The following TNXB variants were observed in gnomAD, a reference collection of about 807,000 sequenced individuals.
The protein encoded by TNXB is tenascin-X.
Under a neutral mutation model 340.5 loss-of-function variants are expected in TNXB, and 183 were observed. The ratio of observed to expected loss-of-function variants is 0.54; its 90% CI spans 0.48 to 0.61. TNXB has a LOEUF of 0.61. Among genes scored for constraint, TNXB ranks in the 20% least tolerant of loss-of-function variants. The pLI is 0.00. For synonymous variants in TNXB, 2,121 were observed against 2,314.5 expected (o/e 0.92, Z 2.40); for missense variants, 4,613 against 5,446.4 (o/e 0.85, Z 4.82).
chr6:32,080,402 C>G lies in TNXB; in HGVS notation c.4042+966G>C, dbSNP rs1178709309. 1.3e-5 allele frequency among the ~76,000 whole-genome samples: 2 copies of G among 152,082 alleles called. No individual in the cohort carries two copies. The highest frequency in any genetic ancestry group is 2.9e-5 in the Non-Finnish European group (2 of 68,014). ...ATTTTTTGTATTTTTAGTGGAGACA[C>G]GGTTTCACCGTGTTAGCCAGGATGG... On this transcript the variant is annotated intron_variant, in intron 10 of 43. Transcript: ENST00000644971. The surrounding 1 kb of genome is among the most constrained non-coding windows in gnomAD (Gnocchi z 4.3).
In TNXB at chr6:32,103,727, C is replaced by CTT. The variant is rs28986186; in HGVS notation, c.-9+5452_-9+5453dup. Reference sequence around the variant, plus strand: ...AATCACTAGACACAGTTCACCGCATCTTTTTTTTTTTTTTTTTTTTTGAGA... The same window carrying CTT: ...AATCACTAGACACAGTTCACCGCATCTTTTTTTTTTTTTTTTTTTTTTTGAGA... On this transcript the variant is annotated intron_variant, in intron 1 of 43. Transcript: ENST00000644971. Among the ~76,000 whole-genome samples, 901 of 123,386 alleles carry CTT rather than the reference C, an allele frequency of 7.3e-3. 29 individuals are homozygous for CTT. Among genetic ancestry groups the CTT allele is most frequent in the African/African-American group, 0.023 (738 of 32,180 alleles). The allele number at this position is 123,386 out of a possible 152,430, so 80.9% of individuals were successfully genotyped here.
In TNXB at chr6:32,081,335, G is replaced by A. The variant is rs1046007967; in HGVS notation, c.4042+33C>T. On this transcript the variant is annotated intron_variant, in intron 10 of 43. Transcript: ENST00000644971. This position sits in a 1 kb window ranked among gnomAD's most constrained non-coding sequence, Gnocchi z 5.1. ...AAGTCCCGCTCACAGGATGGGGCTA[G>A]CAGGGGAGGGAGGCCTGGCAGCCAT... 2.0e-6 allele frequency: 3 copies of A among 1,512,720 alleles called. No homozygotes were observed. The highest frequency in any genetic ancestry group is 8.9e-7 in the Non-Finnish European group (1 of 1,121,712). 93.7% of individuals were successfully genotyped at this position (1,512,720 alleles called of 1,614,324 possible).
chr6:32,068,357 G>A lies in TNXB; in HGVS notation c.6220+33C>T. 2 of 1,606,908 alleles carry A rather than the reference G, an allele frequency of 1.2e-6. No homozygotes were observed. Among genetic ancestry groups the A allele is most frequent in the East Asian group, 2.2e-5 (1 of 44,768 alleles). ...AGAGCAAGAGGGTGACCCTCCCATGGCTCCCACCCTGGGGCTCCCATCATC... is the reference window on the plus strand; with the variant it reads ...AGAGCAAGAGGGTGACCCTCCCATGACTCCCACCCTGGGGCTCCCATCATC... On this transcript the variant is annotated intron_variant, in intron 17 of 43. Coordinates refer to ENST00000644971, the MANE Select transcript of TNXB (RefSeq NM_001365276.2). The surrounding 1 kb of genome is among the most constrained non-coding windows in gnomAD (Gnocchi z 5.3).
rs1778896749 is a variant in TNXB, at chr6:32,073,574, G to T, written c.4681+73C>A. The T allele has an allele frequency of 1.4e-6, 2 of 1,403,884 alleles. No homozygotes were observed. The highest frequency in any genetic ancestry group is 2.0e-6 in the Non-Finnish European group (2 of 1,024,496). The allele number at this position is 1,403,884 out of a possible 1,614,324, so 87.0% of individuals were successfully genotyped here. On this transcript the variant is annotated intron_variant, in intron 12 of 43. Coordinates refer to ENST00000644971, the MANE Select transcript of TNXB (RefSeq NM_001365276.2). This position sits in a 1 kb window ranked among gnomAD's most constrained non-coding sequence, Gnocchi z 4.6. ...GAGGGTGCGGTGGTACCAAGGCAGG[G>T]CTGGAAGAAGGGCCATGGGGTGGGG...
rs1362206704 is a variant in TNXB at position 32,045,045 on chromosome 6, C to G, written c.10888G>C (p.Gly3630Arg). The G allele has an allele frequency of 6.2e-7, 1 of 1,611,082 alleles. No individual in the cohort carries two copies. Among genetic ancestry groups the G allele is most frequent in the African/African-American group, 1.3e-5 (1 of 74,926 alleles). Residue 3630 changes from glycine to arginine, a missense_variant, in exon 32 of 44, where the codon GGG (glycine) becomes CGG (arginine). Coordinates refer to ENST00000644971, the MANE Select transcript of TNXB (RefSeq NM_001365276.2). ...GCTGAGAGGGGCCCCAGGCGCTTCC[C>G]TTCATGGAGGCCATAGAGGAGGAAC... ...YRFLLYGLHEGKRLGPLSAEG... is the reference protein window; with the variant it reads ...YRFLLYGLHERKRLGPLSAEG...
Position 32,097,514 on chromosome 6 carries a change from T to C in TNXB, c.404-65A>G. ...TGGGAGAGAGGCTGAGCCTATGTAG[T>C]GCTCCTATGTGCAGGCCCCTAGCCA... On this transcript the variant is annotated intron_variant, in intron 2 of 43. Coordinates refer to ENST00000644971, the MANE Select transcript of TNXB (RefSeq NM_001365276.2). The surrounding 1 kb of genome is among the most constrained non-coding windows in gnomAD (Gnocchi z 5.9). 6.6e-7 allele frequency: 1 copy of C among 1,524,826 alleles called. No homozygotes were observed. Among genetic ancestry groups the C allele is most frequent in the South Asian group, 1.3e-5 (1 of 79,630 alleles). 94.5% of individuals were successfully genotyped at this position (1,524,826 alleles called of 1,614,324 possible). A position where few individuals can be genotyped will look rare whatever the true frequency, so the allele number is the denominator to read the frequency against.
chr6:32,086,115 G>A lies in TNXB; in HGVS notation c.2783C>T (p.Ser928Phe), dbSNP rs756778483. 7.3e-6 allele frequency: 11 copies of A among 1,516,240 alleles called. No homozygotes were observed. The highest frequency in any genetic ancestry group is 8.0e-6 in the Non-Finnish European group (9 of 1,128,912). 93.9% of individuals were successfully genotyped at this position (1,516,240 alleles called of 1,614,324 possible). ...AGTCCCCAAGAGGCCCAAGGGTGAG[G>A]ACCCTGGGAAGGGGCAGGGTGAGAA... ...YPASVRANTG[S>F]SPLGLLGTTD... Residue 928 changes from serine (S) to phenylalanine (F), a missense_variant, in exon 7 of 44, where the codon TCC (serine) becomes TTC (phenylalanine). Transcript: ENST00000644971.
rs1311006651 is a variant in TNXB, at chr6:32,087,677, G to C, written c.2779+1108C>G. The C allele has an allele frequency of 2.2e-6, 1 of 448,850 alleles. No homozygotes were observed. Among genetic ancestry groups the C allele is most frequent in the African/African-American group, 2.0e-5 (1 of 49,630 alleles). 27.8% of individuals were successfully genotyped at this position (448,850 alleles called of 1,614,324 possible). Reference sequence around the variant, plus strand: ...GGGGCGGCGGCCAACAGACGCCGCTGCAAGTATTCATGGATGTGGCGCGCC... The same window carrying C: ...GGGGCGGCGGCCAACAGACGCCGCTCCAAGTATTCATGGATGTGGCGCGCC... On this transcript the variant is annotated intron_variant, in intron 6 of 43. Transcript: ENST00000644971. This position sits in a 1 kb window ranked among gnomAD's most constrained non-coding sequence, Gnocchi z 9.0.
In TNXB at chr6:32,096,710, C is replaced by T. The variant is rs558911538; in HGVS notation, c.1143G>A (p.Gly381=). The T allele has an allele frequency of 3.2e-6, 5 of 1,550,348 alleles. No individual in the cohort carries two copies. In the African/African-American group the frequency reaches 6.9e-5, roughly 21 times the overall value. The part of the protein sequence containing the change: ...RTCPRDCRGR[G]RCEDGECICD... The stretch of plus-strand genomic sequence containing the variant: ...AAATGCATTCGCCGTCCTCGCAGCG[C>T]CCGCGGCCCCGGCAGTCCCTCGGAC... Residue 381 remains glycine, a synonymous_variant, in exon 3 of 44, where the codon GGG becomes GGA. Coordinates refer to ENST00000644971, the MANE Select transcript of TNXB (RefSeq NM_001365276.2).
chr6:32,047,239 C>T lies in TNXB; in HGVS notation c.10324+495G>A, dbSNP rs936574023. Among the ~76,000 whole-genome samples the T allele has an allele frequency of 6.6e-6, 1 of 152,200 alleles. No homozygotes were observed. ...ATGGTCCTGGGAGTGGGGTGAGGGT[C>T]GGTGACCCACCACACCCCTTCCTCA... On this transcript the variant is annotated intron_variant, in intron 30 of 43. Coordinates refer to ENST00000644971, the MANE Select transcript of TNXB (RefSeq NM_001365276.2). The surrounding 1 kb of genome is among the most constrained non-coding windows in gnomAD (Gnocchi z 6.2).
chr6:32,098,428 T>G (rs1393906591), intron 1 of TNXB, among the ~76,000 whole-genome samples: 1 of 152,042 alleles, frequency 6.6e-6, no homozygotes, highest in Non-Finnish European at 1.5e-5. Context: ...CCTCACCCCC[T>G]TTTCTATTGT....
Position 32,087,475 on chromosome 6 carries a change from G to A in TNXB, c.2779+1310C>T, listed in dbSNP as rs778269745. ...GAGCCCGTCGAGAGACACGAGAAGC[G>A]CGCCATCGGCGGAACTGCCCAGCAC... On this transcript the variant is annotated intron_variant, in intron 6 of 43. Transcript: ENST00000644971. The surrounding 1 kb of genome is among the most constrained non-coding windows in gnomAD (Gnocchi z 9.0). The A allele has an allele frequency of 4.1e-6, 2 of 490,600 alleles. No individual in the cohort carries two copies. The highest frequency in any genetic ancestry group is 1.9e-5 in the African/African-American group (1 of 51,342). The allele number at this position is 490,600 out of a possible 1,614,324, so 30.4% of individuals were successfully genotyped here.
intron 23 of TNXB, 125 bp downstream of exon 23, chr6:32,056,461 C>T (rs1777649491): frequency 1.4e-6 from 2 of 1,469,222 alleles, no homozygotes; most frequent in African/African-American, 1.4e-5. Flanking sequence ...CCAAGGGGAG[C>T]CCCAGCCACA....
In TNXB at chr6:32,067,762, A is replaced by T; in HGVS notation, c.6443T>A (p.Val2148Asp). The T allele has an allele frequency of 6.2e-7, 1 of 1,613,622 alleles. No individual in the cohort carries two copies. Among genetic ancestry groups the T allele is most frequent in the Non-Finnish European group, 8.5e-7 (1 of 1,179,862 alleles). The change falls in exon 18 of 44, where the codon GTC (valine) becomes GAC (aspartate). Residue 2148 changes from valine (V) to aspartate (D), a missense_variant. By Grantham distance (152) the Val-to-Asp change is radical (BLOSUM62 -3). Transcript: ENST00000644971. This position sits in a 1 kb window ranked among gnomAD's most constrained non-coding sequence, Gnocchi z 4.2. The stretch of plus-strand genomic sequence containing the variant: ...CCCAGGCTCCAGGCCCCCCACGGTG[A>T]CTTCACTCTCCTCGCCCCCAACACG... ...VVRVGGEESE[V>D]TVGGLEPGRK... is the part of the protein sequence containing the mutation.
At position 32,084,550 on chromosome 6, in the gene TNXB, G is replaced by A; in HGVS notation, c.3308C>T (p.Pro1103Leu). ...VIQYKDRDGQPQVVPVEGPQR... is the reference protein window; with the variant it reads ...VIQYKDRDGQLQVVPVEGPQR... Reference sequence around the variant, plus strand: ...GGGTCCTTCCACGGGCACCACCTGGGGCTGCCCGTCCCTGTCTTTGTACTG... The same window carrying A: ...GGGTCCTTCCACGGGCACCACCTGGAGCTGCCCGTCCCTGTCTTTGTACTG... Residue 1103 changes from proline (P) to leucine (L), a missense_variant, in exon 8 of 44, where the codon CCC (proline) becomes CTC (leucine). Physicochemically the swap from Pro to Leu is moderately conservative, Grantham distance 98. Around this residue, in one of 7 missense-constraint regions of TNXB, gnomAD observed 4,327 missense variants for 4,859.4 expected, o/e 0.89. Coordinates refer to ENST00000644971, the MANE Select transcript of TNXB (RefSeq NM_001365276.2). The surrounding 1 kb of genome is among the most constrained non-coding windows in gnomAD (Gnocchi z 5.5). 1 of 1,608,826 alleles carries A rather than the reference G, an allele frequency of 6.2e-7. No individual in the cohort carries two copies. Among genetic ancestry groups the A allele is most frequent in the South Asian group, 1.1e-5 (1 of 90,160 alleles).
chr6:32,043,731 G>A lies in TNXB; in HGVS notation c.11530+18C>T. On this transcript the variant is annotated intron_variant, in intron 35 of 43. Coordinates refer to ENST00000644971, the MANE Select transcript of TNXB (RefSeq NM_001365276.2). ...TTCTTGGCTCCCACCTCTTGCCCCGGGTCCCAGTCCATCTCACCCGTGGTG... is the reference window on the plus strand; with the variant it reads ...TTCTTGGCTCCCACCTCTTGCCCCGAGTCCCAGTCCATCTCACCCGTGGTG... The A allele has an allele frequency of 6.2e-7, 1 of 1,613,446 alleles. No individual in the cohort carries two copies. Among genetic ancestry groups the A allele is most frequent in the South Asian group, 1.1e-5 (1 of 91,074 alleles).
At chr6:32,104,887 C>G (rs1780901911) in intron 1 of TNXB, among the ~76,000 whole-genome samples, 3 of 152,084 alleles carry the variant, frequency 2.0e-5, no homozygotes, top group African/African-American at 7.2e-5. Flanking sequence ...TCCTCCCACC[C>G]TAGCCTCCCA....
chr6:32,053,681 G>A lies in TNXB; in HGVS notation c.8498C>T (p.Ala2833Val). The change falls in exon 25 of 44, where the codon GCA becomes GTA. Residue 2833 changes from alanine to valine, a missense_variant. Physicochemically the swap from Ala to Val is moderately conservative, Grantham distance 64. Around this residue, in one of 7 missense-constraint regions of TNXB, gnomAD observed 4,327 missense variants for 4,859.4 expected, o/e 0.89. Transcript: ENST00000644971. ...APEDEAETTQ[A>V]VPTTTPEPPN... ...GGGCTCAGGGGTTGTGGTGGGCACT[G>A]CTTGGGTGGTCTCTGCTTCATCCTC... 1.2e-6 allele frequency: 2 copies of A among 1,612,928 alleles called. No individual in the cohort carries two copies. The highest frequency in any genetic ancestry group is 1.7e-6 in the Non-Finnish European group (2 of 1,179,600).
intron 1 of TNXB, among the ~76,000 whole-genome samples, 195 bp from the exon 2 acceptor site, chr6:32,098,401 CATTT>C (rs1780536837): frequency 6.6e-6 from 1 of 152,146 alleles, no homozygotes; most frequent in Non-Finnish European, 1.5e-5. Context: ...TCTCTGATAT[CATTT>C]ATTTACCCTG....
Sources: gnomAD v4.1 joint callset for allele counts (sites outside exome capture counted in the v4.1 genomes callset) on GRCh38, gnomAD v4.1.1 for gene constraint, gnomAD v4.1.1 regional missense constraint, Gnocchi (gnomAD v3.1) non-coding constraint, MANE v1.5 for transcripts, NCBI Gene and HGNC (gene_info 2026-07-23, HGNC 2026-07-21) for gene names.